Variants in C2CD3 observed in about 807,000 individuals in gnomAD.
C2CD3 encodes the protein C2 domain-containing protein 3.
In C2CD3, 148 loss-of-function variants were observed where a neutral mutation model predicts 234.0. The observed-to-expected ratio is 0.63, with a 90% CI of 0.55 to 0.72. C2CD3 has a LOEUF of 0.72. Ranked by LOEUF, C2CD3 falls within the 30% of genes least tolerant of loss-of-function variation. C2CD3 has a pLI of 0.00. For synonymous variants in C2CD3, 1,000 were observed against 1,035.4 expected (o/e 0.97, Z 0.66); for missense variants, 2,577 against 2,811.5 (o/e 0.92, Z 1.89).
intron 2 of C2CD3, among the ~76,000 whole-genome samples, chr11:74,167,624 G>T (rs1856894026): frequency 6.6e-6 from 1 of 152,206 alleles, no homozygotes; most frequent in African/African-American, 2.4e-5. Flanking sequence ...GCCCAACCAT[G>T]TTTACATGAT....
rs780778726 is a variant in C2CD3 at position 74,048,241 on chromosome 11, G to A, written c.5459C>T (p.Ala1820Val). The change falls in exon 28 of 33, where the codon GCC (alanine) becomes GTC (valine). Residue 1820 changes from alanine (A) to valine (V), a missense_variant. Transcript: ENST00000334126. ...GGAGAAATCAAGCTCCTTTGAGGAG[G>A]CATGAGCAAGTTGGTCTAGGGTCTG... The part of the protein sequence containing the change: ...ARQTLDQLAH[A>V]SSKELDFSSP... 1 of 1,613,488 alleles carries A rather than the reference G, an allele frequency of 6.2e-7. No individual in the cohort carries two copies. Among genetic ancestry groups the A allele is most frequent in the Non-Finnish European group, 8.5e-7 (1 of 1,179,720 alleles).
intron 22 of C2CD3, among the ~76,000 whole-genome samples, chr11:74,083,643 G>A (rs1955498710): frequency 6.6e-6 from 1 of 152,144 alleles, no homozygotes; most frequent in Non-Finnish European, 1.5e-5. Flanking sequence ...GATATGAACA[G>A]ACACTTCTCA....
intron 32 of C2CD3, among the ~76,000 whole-genome samples, chr11:74,017,866 C>T (rs1951935039): frequency 6.6e-6 from 1 of 152,224 alleles, no homozygotes; most frequent in Non-Finnish European, 1.5e-5. Flanking sequence ...TCTAGGTTCT[C>T]TTCACTCCAG....
At chr11:74,064,563 A>G (rs1181428290) in intron 24 of C2CD3, among the ~76,000 whole-genome samples, 1 of 152,210 alleles carries the variant, frequency 6.6e-6, no homozygotes, top group Non-Finnish European at 1.5e-5. Flanking sequence ...CAGAATTGGA[A>G]AAAACTACTT....
At chr11:74,161,992 T>C (rs11236026) in intron 2 of C2CD3, among the ~76,000 whole-genome samples, 42,701 of 151,512 alleles carry the variant, frequency 0.28, 6,950 homozygotes, top group African/African-American at 0.46. Context: ...ATTTTTTTTA[T>C]TTTTGTAGAG....
chr11:74,016,784 A>C (rs192333312), intron 32 of C2CD3: 1 of 152,308 alleles, frequency 6.6e-6, no homozygotes, highest in African/African-American at 2.4e-5. Context: ...AAATACTCCT[A>C]CACTTCTGGC....
intron 27 of C2CD3, among the ~76,000 whole-genome samples, chr11:74,048,905 T>A (rs1953527290): frequency 6.6e-6 from 1 of 152,160 alleles, no homozygotes; most frequent in Admixed American, 6.5e-5. Flanking sequence ...TCTTTTACAG[T>A]TAAACTCCTT....
rs879892933 is a variant in C2CD3, at chr11:74,019,683, A to AT, written c.6922-6159dup. On this transcript the variant is annotated intron_variant, in intron 32 of 32. Coordinates refer to ENST00000334126, the MANE Select transcript of C2CD3 (RefSeq NM_001286577.2). ...TTGTGGAAAGGAAACCAAAGGATAGATTTTTTTTTTTCAGACACAGTTTCA... is the reference window on the plus strand; with the variant it reads ...TTGTGGAAAGGAAACCAAAGGATAGATTTTTTTTTTTTCAGACACAGTTTCA... Among the ~76,000 whole-genome samples, 468 of 148,850 alleles carry AT rather than the reference A, an allele frequency of 3.1e-3. 3 individuals carry two copies. The highest frequency in any genetic ancestry group is 0.011 in the African/African-American group (431 of 40,772).
intron 3 of C2CD3, among the ~76,000 whole-genome samples, chr11:74,149,778 C>T (rs184390392): frequency 6.6e-6 from 1 of 152,030 alleles, no homozygotes; most frequent in African/African-American, 2.4e-5. Flanking sequence ...AAGTTTACTC[C>T]CTCATTTTGG....
intron 32 of C2CD3, among the ~76,000 whole-genome samples, chr11:74,022,780 C>A (rs554351011): frequency 6.6e-6 from 1 of 152,318 alleles, no homozygotes; most frequent in South Asian, 2.1e-4. Flanking sequence ...GCAGGGGCAG[C>A]GGAACTTGAT....
At chr11:74,107,322 T>TCACACA (rs142285119) in intron 12 of C2CD3, among the ~76,000 whole-genome samples, 2,035 of 146,606 alleles carry the variant, frequency 0.014, 46 homozygotes, top group African/African-American at 0.048. Context: ...TGAAACTGTG[T>TCACACA]CACACACACA....
At chr11:74,029,017 T>A (rs1323267823) in intron 31 of C2CD3, among the ~76,000 whole-genome samples, 1 of 152,244 alleles carries the variant, frequency 6.6e-6, no homozygotes, top group Admixed American at 6.5e-5. Flanking sequence ...CATCAGGGGC[T>A]GTCCATGACG....
intron 31 of C2CD3, among the ~76,000 whole-genome samples, chr11:74,032,965 A>G (rs991632983): frequency 3.3e-5 from 5 of 152,126 alleles, no homozygotes; most frequent in Non-Finnish European, 5.9e-5. Context: ...ACTGAATGAA[A>G]AATGTACATA....
At chr11:74,166,368 T>A (rs1302553733) in intron 2 of C2CD3, among the ~76,000 whole-genome samples, 1 of 151,510 alleles carries the variant, frequency 6.6e-6, no homozygotes, top group African/African-American at 2.4e-5. Flanking sequence ...CTGTCACTTA[T>A]AAGGTTCACC....
At chr11:74,070,093 T>A (rs1449709934) in intron 24 of C2CD3, among the ~76,000 whole-genome samples, 1 of 152,252 alleles carries the variant, frequency 6.6e-6, no homozygotes, top group East Asian at 1.9e-4. Context: ...CTACTTCAAA[T>A]CATTTTACCT....
chr11:74,042,352 CT>C, intron 28 of C2CD3, 134 bp from the exon 29 acceptor site: 1 of 856,256 alleles, frequency 1.2e-6, no homozygotes, highest in Non-Finnish European at 1.8e-6. Flanking sequence ...CAGTTCTGGC[CT>C]TATCATCTCT....
At chr11:74,063,211 T>A (rs1954335004) in intron 24 of C2CD3, among the ~76,000 whole-genome samples, 1 of 152,208 alleles carries the variant, frequency 6.6e-6, no homozygotes, top group Non-Finnish European at 1.5e-5. Context: ...AAAGAGGAGC[T>A]GGTACTATTC....
intron 31 of C2CD3, 65 bp from the exon 32 acceptor site, chr11:74,028,463 T>C: frequency 1.1e-6 from 1 of 951,080 alleles, no homozygotes; most frequent in Non-Finnish European, 1.6e-6. Context: ...GAGGCCAGCA[T>C]CTCCACTGAC....
At chr11:74,021,034 G>T (rs552913231) in intron 32 of C2CD3, among the ~76,000 whole-genome samples, 1 of 152,222 alleles carries the variant, frequency 6.6e-6, no homozygotes, top group Non-Finnish European at 1.5e-5. Flanking sequence ...GCACATTTCT[G>T]TATATTTTAA....
Sources: allele counts gnomAD v4.1 joint callset (sites outside exome capture counted in the v4.1 genomes callset), GRCh38; gene constraint gnomAD v4.1.1; transcripts MANE v1.5; gene names NCBI Gene and HGNC (gene_info 2026-07-23, HGNC 2026-07-21).